The following AGBL4 variants were observed in gnomAD, a reference collection of about 807,000 sequenced individuals.
The protein encoded by AGBL4 is AGBL carboxypeptidase 4.
Under a neutral mutation model 66.4 loss-of-function variants are expected in AGBL4, and 58 were observed. The ratio of observed to expected loss-of-function variants is 0.87; its 90% confidence interval spans 0.71 to 1.09. The LOEUF is 1.09. Ranked by LOEUF, AGBL4 falls within the 50% of genes least tolerant of loss-of-function variation. The probability of loss-of-function intolerance (pLI) is 0.00; values close to 1 mark genes in which losing one functional copy is unlikely to be tolerated. For missense variants in AGBL4, 579 were observed against 631.0 expected (o/e 0.92, Z 0.88); for synonymous variants, 234 against 222.9 (o/e 1.05, Z -0.44).
intron 3 of AGBL4, among the ~76,000 whole-genome samples, chr1:49,516,326 C>A (rs997383485): frequency 6.6e-6 from 1 of 151,904 alleles, no homozygotes; most frequent in African/African-American, 2.4e-5. Context: ...ACTAATTCAG[C>A]CTGGAAGATC....
chr1:49,641,301 A>G (rs552491391), intron 3 of AGBL4, among the ~76,000 whole-genome samples: 109 of 152,222 alleles, frequency 7.2e-4, no homozygotes, highest in Non-Finnish European at 1.1e-3. Flanking sequence ...TTAAAATGTC[A>G]TTTTCTACAG....
rs35132076 is a variant in AGBL4, at chr1:49,857,021, A to G, written c.35-5503T>C. ...AAAAAACTGTTGAAACTGATAAATT[A>G]TTAAGTAAAGTTTCAAGATACAAAT... On this transcript the variant is annotated intron_variant, in intron 1 of 13. Coordinates refer to ENST00000371839, the MANE Select transcript of AGBL4 (RefSeq NM_032785.4). Among the ~76,000 whole-genome samples, 697 of 152,140 alleles carry G rather than the reference A, an allele frequency of 4.6e-3. 3 individuals carry two copies. The highest frequency in any genetic ancestry group is 6.1e-3 in the Non-Finnish European group (417 of 67,888).
chr1:48,667,123 A>G (rs942628124), intron 6 of AGBL4, among the ~76,000 whole-genome samples: 2 of 152,160 alleles, frequency 1.3e-5, no homozygotes, highest in East Asian at 3.8e-4. Context: ...AACATCGACA[A>G]ATTCTTTGTT....
chr1:49,906,491 A>T (rs1650289381), intron 1 of AGBL4, among the ~76,000 whole-genome samples: 1 of 152,014 alleles, frequency 6.6e-6, no homozygotes, highest in Non-Finnish European at 1.5e-5. Context: ...CTGATTTAAT[A>T]AAAAAATCAC....
At chr1:50,002,359 C>CTT (rs372960346) in intron 1 of AGBL4, among the ~76,000 whole-genome samples, 4,438 of 95,860 alleles carry the variant, frequency 0.046, 875 homozygotes, top group African/African-American at 0.11. Flanking sequence ...TGCCCTAGTT[C>CTT]TTTTTTTTTT....
chr1:48,958,907 C>G (rs553267975), intron 5 of AGBL4, among the ~76,000 whole-genome samples: 1 of 152,232 alleles, frequency 6.6e-6, no homozygotes, highest in Non-Finnish European at 1.5e-5. Context: ...ATGTCATTCT[C>G]TCATTCTCAT....
intron 1 of AGBL4, among the ~76,000 whole-genome samples, chr1:49,887,736 A>G (rs1411472959): frequency 6.6e-6 from 1 of 152,158 alleles, no homozygotes; most frequent in African/African-American, 2.4e-5. Flanking sequence ...GAGAGTCTGA[A>G]CAAAAGCAAA....
intron 4 of AGBL4, among the ~76,000 whole-genome samples, chr1:49,095,421 G>A (rs536058214): frequency 1.2e-4 from 18 of 152,006 alleles, no homozygotes; most frequent in Admixed American, 5.9e-4. Flanking sequence ...ATCACGCTAC[G>A]TGACTTCAAA....
intron 9 of AGBL4, among the ~76,000 whole-genome samples, chr1:48,619,790 G>A (rs1645380445): frequency 6.6e-6 from 1 of 152,192 alleles, no homozygotes; most frequent in South Asian, 2.1e-4. Context: ...TGTAGGATCA[G>A]CCGGTGGGGG....
chr1:49,602,918 C>T (rs1361827443), intron 3 of AGBL4, among the ~76,000 whole-genome samples: 1 of 151,988 alleles, frequency 6.6e-6, no homozygotes. Flanking sequence ...GAGTACCAAA[C>T]GAGGATCACG....
chr1:48,752,266 A>G (rs940358078), intron 6 of AGBL4, among the ~76,000 whole-genome samples: 1 of 152,202 alleles, frequency 6.6e-6, no homozygotes, highest in Non-Finnish European at 1.5e-5. Flanking sequence ...GAGACAGGAA[A>G]GAGCTCTGAG....
At chr1:50,000,578 C>T (rs978591355) in intron 1 of AGBL4, among the ~76,000 whole-genome samples, 4 of 152,106 alleles carry the variant, frequency 2.6e-5, no homozygotes, top group South Asian at 2.1e-4. Flanking sequence ...TGGGTATCTA[C>T]TCAAAGGAAA....
chr1:49,318,550 G>T (rs1436387573), intron 3 of AGBL4, among the ~76,000 whole-genome samples: 1 of 152,000 alleles, frequency 6.6e-6, no homozygotes. Flanking sequence ...GAGGCAGATA[G>T]AATTTAGAGA....
intron 1 of AGBL4, among the ~76,000 whole-genome samples, chr1:49,917,165 A>C (rs576085090): frequency 1.3e-5 from 2 of 152,210 alleles, no homozygotes. Flanking sequence ...TGCTAGGAAG[A>C]AATTGCATCA....
chr1:49,902,845 A>G (rs1649901860), intron 1 of AGBL4, among the ~76,000 whole-genome samples: 1 of 152,172 alleles, frequency 6.6e-6, no homozygotes, highest in Non-Finnish European at 1.5e-5. Context: ...TTTAAAAATT[A>G]AAAATAACAT....
intron 11 of AGBL4, among the ~76,000 whole-genome samples, chr1:48,576,766 C>T (rs1644660586): frequency 6.6e-6 from 1 of 152,188 alleles, no homozygotes; most frequent in Non-Finnish European, 1.5e-5. Context: ...AGGCCAACAC[C>T]TCCTTACTCC....
intron 3 of AGBL4, among the ~76,000 whole-genome samples, chr1:49,532,754 C>T (rs974035618): frequency 4.6e-5 from 7 of 152,100 alleles, no homozygotes; most frequent in African/African-American, 1.7e-4. Flanking sequence ...TATTTAGCTT[C>T]CACTGTTTCT....
chr1:49,106,836 T>G (rs1645301907), intron 4 of AGBL4, among the ~76,000 whole-genome samples: 1 of 152,166 alleles, frequency 6.6e-6, no homozygotes, highest in South Asian at 2.1e-4. Context: ...ATTTTGTTGT[T>G]CTCTTTTATT....
intron 1 of AGBL4, among the ~76,000 whole-genome samples, chr1:49,938,625 C>G (rs1180716750): frequency 1.3e-5 from 2 of 152,148 alleles, no homozygotes; most frequent in Non-Finnish European, 2.9e-5. Flanking sequence ...AATCCAACAG[C>G]ACATCAAAAA....
Sources: gnomAD v4.1 joint callset for allele counts (sites outside exome capture counted in the v4.1 genomes callset) on GRCh38, gnomAD v4.1.1 for gene constraint, MANE v1.5 for transcripts, NCBI Gene and HGNC (gene_info 2026-07-23, HGNC 2026-07-21) for gene names.